The following PLXNC1 variants were observed in gnomAD, a reference collection of about 807,000 sequenced individuals.
PLXNC1 encodes plexin-C1.
Under a neutral mutation model 178.2 loss-of-function variants are expected in PLXNC1, and 75 were observed. The observed-to-expected ratio is 0.42, with a 90% CI of 0.35 to 0.51. The LOEUF (loss-of-function observed/expected upper bound fraction) is 0.51. PLXNC1 is among the 20% of genes least tolerant of loss of function. The pLI is 0.02. For missense variants in PLXNC1, 1,503 were observed against 1,984.4 expected, an observed-to-expected ratio of 0.76 and a Z score of 4.61; for synonymous variants, 790 against 779.9, an observed-to-expected ratio of 1.01 and a Z score of -0.22.
rs149886848 is a variant in PLXNC1, at chr12:94,291,944, C to T, written c.3880-2542C>T. On this transcript the variant is annotated intron_variant, in intron 23 of 30. Transcript: ENST00000258526. The stretch of plus-strand genomic sequence containing the variant: ...TTTGGAGTCCCTCATGTCTACTGCT[C>T]CCATCTTTATAGACACTTCATATCA... Among the ~76,000 whole-genome samples the T allele has an allele frequency of 1.6e-3, 237 of 152,262 alleles. 1 individual carries two copies. Among genetic ancestry groups the T allele is most frequent in the Non-Finnish European group, 2.4e-3 (164 of 68,016 alleles).
chr12:94,257,053 G>T (rs894661972), intron 17 of PLXNC1, among the ~76,000 whole-genome samples: 1 of 152,172 alleles, frequency 6.6e-6, no homozygotes, highest in African/African-American at 2.4e-5. Context: ...ACCCTTTCAA[G>T]AAGACCTAAG....
intron 4 of PLXNC1, among the ~76,000 whole-genome samples, chr12:94,206,348 G>A (rs1038175027): frequency 1.1e-4 from 16 of 151,814 alleles, no homozygotes; most frequent in Non-Finnish European, 1.2e-4. Flanking sequence ...GTATTATCTC[G>A]AATACATTAA....
At position 94,305,460 on chromosome 12, in the gene PLXNC1, T is replaced by C. The variant is rs1288332001; in HGVS notation, c.*175T>C. 2 of 574,896 alleles carry C rather than the reference T, an allele frequency of 3.5e-6. No individual in the cohort carries two copies. The highest frequency in any genetic ancestry group is 3.1e-6 in the Non-Finnish European group (1 of 321,386). The allele number at this position is 574,896 out of a possible 1,614,324, so 35.6% of individuals were successfully genotyped here. A position where few individuals can be genotyped will look rare whatever the true frequency, so the allele number is the denominator to read the frequency against. ...AGCTTTTAGAAAGCATACCAACCCT[T>C]GTGCCTGTGTGTATACCGTGGGAAC... On this transcript the variant is annotated 3_prime_UTR_variant, in exon 31 of 31. Transcript: ENST00000258526.
chr12:94,171,470 T>G (rs1961842511), intron 2 of PLXNC1, among the ~76,000 whole-genome samples: 1 of 152,152 alleles, frequency 6.6e-6, no homozygotes, highest in African/African-American at 2.4e-5. Flanking sequence ...GGCCTACTAT[T>G]CCCATTTTAC....
At chr12:94,209,928 T>C (rs1263091384) in intron 5 of PLXNC1, among the ~76,000 whole-genome samples, 2 of 152,198 alleles carry the variant, frequency 1.3e-5, no homozygotes, top group East Asian at 3.8e-4. Flanking sequence ...ATGGGCCTGC[T>C]CTCATGGAGT....
At chr12:94,201,096 G>A (rs75397892) in intron 4 of PLXNC1, among the ~76,000 whole-genome samples, 9 of 152,248 alleles carry the variant, frequency 5.9e-5, no homozygotes, top group Admixed American at 5.2e-4. Context: ...GATGAATGAG[G>A]GTCTACTCTG....
chr12:94,284,555 G>T (rs568885522), intron 23 of PLXNC1, among the ~76,000 whole-genome samples: 1 of 152,024 alleles, frequency 6.6e-6, no homozygotes, highest in Non-Finnish European at 1.5e-5. Flanking sequence ...TTGCAATGGC[G>T]ATTTCAGTAT....
rs1468221002 is a variant in PLXNC1 at position 94,305,607 on chromosome 12, GTGGTTTTGTTTGAAAAC to G, written c.*324_*340del. The G allele has an allele frequency of 4.3e-6, 1 of 230,450 alleles. No individual in the cohort carries two copies. Among genetic ancestry groups the G allele is most frequent in the East Asian group, 1.0e-4 (1 of 10,036 alleles). 14.3% of individuals were successfully genotyped at this position (230,450 alleles called of 1,614,324 possible). A position where few individuals can be genotyped will look rare whatever the true frequency, so the allele number is the denominator to read the frequency against. On this transcript the variant is annotated 3_prime_UTR_variant, in exon 31 of 31. Transcript: ENST00000258526. ...TCTCCACTTAAGCACAATGATATAA[GTGGTTTTGTTTGAAAAC>G]TACAGCTATGTAGCACTTGTGCTAC...
In PLXNC1 at chr12:94,181,583, A is replaced by G. The variant is rs1962307711; in HGVS notation, c.1338+3A>G. On this transcript the variant is annotated splice_donor_region_variant and intron_variant, in intron 3 of 30. Coordinates refer to ENST00000258526, the MANE Select transcript of PLXNC1 (RefSeq NM_005761.3). The stretch of plus-strand genomic sequence containing the variant: ...TTTATCTAACAGCTGGGAAAGAGGT[A>G]GGTAGAAATACTAGTTATTGCTTCT... 1 of 1,601,754 alleles carries G rather than the reference A, an allele frequency of 6.2e-7. No homozygotes were observed. The highest frequency in any genetic ancestry group is 8.5e-7 in the Non-Finnish European group (1 of 1,171,236).
intron 21 of PLXNC1, among the ~76,000 whole-genome samples, chr12:94,270,234 A>C (rs1416535266): frequency 6.6e-6 from 1 of 152,246 alleles, no homozygotes; most frequent in Non-Finnish European, 1.5e-5. Context: ...CCAGCAAACA[A>C]CAGCCTGTGG....
chr12:94,209,804 C>A, intron 5 of PLXNC1, 100 bp downstream of exon 5: 1 of 739,862 alleles, frequency 1.4e-6, no homozygotes, highest in Non-Finnish European at 2.4e-6. Context: ...AGCAATCAAA[C>A]ATGCTTAGTG....
At chr12:94,160,586 C>T (rs368704710) in intron 1 of PLXNC1, among the ~76,000 whole-genome samples, 280 of 152,242 alleles carry the variant, frequency 1.8e-3, no homozygotes, top group African/African-American at 5.9e-3. Context: ...ATTCCGAGTG[C>T]AAAGCCTTGC....
intron 21 of PLXNC1, chr12:94,277,962 C>T (rs1437928061): frequency 2.2e-6 from 1 of 456,066 alleles, no homozygotes; most frequent in South Asian, 1.5e-5. Context: ...CTCCCCTGAG[C>T]CCTAGGCAAA....
intron 23 of PLXNC1, among the ~76,000 whole-genome samples, chr12:94,283,624 G>A (rs941255086): frequency 1.3e-5 from 2 of 152,216 alleles, no homozygotes; most frequent in Admixed American, 1.3e-4. Flanking sequence ...GGACAACTTG[G>A]TGGGTTGGGG....
rs1015225039 is a variant in PLXNC1, at chr12:94,275,815, A to G, written c.3598-3657A>G. On this transcript the variant is annotated intron_variant, in intron 21 of 30. Coordinates refer to ENST00000258526, the MANE Select transcript of PLXNC1 (RefSeq NM_005761.3). The stretch of plus-strand genomic sequence containing the variant: ...GCTTGCAGTGAGCCGAGATCCCGCC[A>G]CTGCACTCCAGCCTGGGCGACAGAG... Among the ~76,000 whole-genome samples, 18 of 78,042 alleles carry G rather than the reference A, an allele frequency of 2.3e-4. 3 individuals carry two copies. Among genetic ancestry groups the G allele is most frequent in the Non-Finnish European group, 3.9e-4 (16 of 40,662 alleles). The allele number at this position is 78,042 out of a possible 152,430, so 51.2% of individuals were successfully genotyped here. A position where few individuals can be genotyped will look rare whatever the true frequency, so the allele number is the denominator to read the frequency against.
chr12:94,154,744 T>C (rs985498500), intron 1 of PLXNC1, among the ~76,000 whole-genome samples: 12 of 152,222 alleles, frequency 7.9e-5, no homozygotes, highest in African/African-American at 2.2e-4. Context: ...TAGGTTTGCA[T>C]TGGTGACCAC....
In PLXNC1 at chr12:94,260,919, G is replaced by A; in HGVS notation, c.3450+79G>A. ...TTAGCGGACTCTGATGCCTTTGCCA[G>A]GATAAATCCTGAATGCTCGATGGTG... On this transcript the variant is annotated intron_variant, in intron 20 of 30. Coordinates refer to ENST00000258526, the MANE Select transcript of PLXNC1 (RefSeq NM_005761.3). This position sits in a 1 kb window ranked among gnomAD's most constrained non-coding sequence, Gnocchi z 4.4. The A allele has an allele frequency of 1.6e-6, 2 of 1,233,322 alleles. No individual in the cohort carries two copies. The highest frequency in any genetic ancestry group is 1.9e-5 in the Admixed American group (1 of 52,302). 76.4% of individuals were successfully genotyped at this position (1,233,322 alleles called of 1,614,324 possible). A position where few individuals can be genotyped will look rare whatever the true frequency, so the allele number is the denominator to read the frequency against.
intron 1 of PLXNC1, among the ~76,000 whole-genome samples, chr12:94,160,464 C>T (rs1050137799): frequency 1.3e-5 from 2 of 152,294 alleles, no homozygotes; most frequent in Non-Finnish European, 2.9e-5. Flanking sequence ...CCTGTCTCCC[C>T]GCAACCTGAC....
At chr12:94,254,056 C>A (rs949324260) in intron 15 of PLXNC1, among the ~76,000 whole-genome samples, 2 of 152,278 alleles carry the variant, frequency 1.3e-5, no homozygotes, top group African/African-American at 4.8e-5. Context: ...TTAAACAATA[C>A]ATTCTTAATG....
Sources: gnomAD v4.1 joint callset for allele counts (sites outside exome capture counted in the v4.1 genomes callset) on GRCh38, gnomAD v4.1.1 for gene constraint, Gnocchi (gnomAD v3.1) non-coding constraint, MANE v1.5 for transcripts, NCBI Gene and HGNC (gene_info 2026-07-23, HGNC 2026-07-21) for gene names.